The following PCDHA10 variants were observed in gnomAD, a reference collection of about 807,000 sequenced individuals.
The protein encoded by PCDHA10 is protocadherin alpha-10.
In PCDHA10, 45 loss-of-function variants were observed where a neutral mutation model predicts 61.2. The ratio of observed to expected loss-of-function variants is 0.74; its 90% CI spans 0.58 to 0.94. The LOEUF (loss-of-function observed/expected upper bound fraction) is 0.94, where lower values mean the gene tolerates loss of function less well. Ranked by LOEUF, PCDHA10 falls within the 40% of genes least tolerant of loss-of-function variation. The pLI is 0.00. For synonymous variants in PCDHA10, 602 were observed against 548.8 expected, an observed-to-expected ratio of 1.10 and a Z score of -1.35; for missense variants, 1,278 against 1,236.2, an observed-to-expected ratio of 1.03 and a Z score of -0.51.
chr5:140,897,424 T>G (rs2066099863), intron 1 of PCDHA10, among the ~76,000 whole-genome samples: 1 of 148,866 alleles, frequency 6.7e-6, no homozygotes, highest in Non-Finnish European at 1.5e-5. Flanking sequence ...CATCTATGAG[T>G]GAGAACATGC....
intron 1 of PCDHA10, among the ~76,000 whole-genome samples, chr5:140,891,471 C>T (rs1239816606): frequency 6.6e-6 from 1 of 151,474 alleles, no homozygotes; most frequent in Non-Finnish European, 1.5e-5. Flanking sequence ...GAATTAATGC[C>T]TTTACATCAC....
intron 1 of PCDHA10, chr5:140,876,546 T>A (rs782795906): frequency 6.2e-7 from 1 of 1,614,218 alleles, no homozygotes; most frequent in Non-Finnish European, 8.5e-7. Context: ...TGTCGCTCCC[T>A]GTGCAAGAGG....
chr5:140,869,072 G>T, intron 1 of PCDHA10: 4 of 1,574,396 alleles, frequency 2.5e-6, no homozygotes, highest in Non-Finnish European at 2.6e-6. Flanking sequence ...TAAGTGTAAA[G>T]AAGCTTATTT....
intron 1 of PCDHA10, among the ~76,000 whole-genome samples, chr5:140,949,848 C>T (rs534650997): frequency 2.2e-4 from 34 of 151,738 alleles, no homozygotes; most frequent in African/African-American, 6.0e-4. Flanking sequence ...CTTCTGTTTC[C>T]GCTTATCTGT....
At chr5:140,877,332 C>T (rs2057040352) in intron 1 of PCDHA10, 1 of 1,613,990 alleles carries the variant, frequency 6.2e-7, no homozygotes. Context: ...GCGCGCACAT[C>T]CCGTTCCACG....
At chr5:140,973,040 T>G (rs529820612) in intron 1 of PCDHA10, among the ~76,000 whole-genome samples, 23 of 152,264 alleles carry the variant, frequency 1.5e-4, no homozygotes, top group African/African-American at 5.5e-4. Flanking sequence ...CTTTGAGTAC[T>G]CTAGTAGATT....
At chr5:140,961,561 T>C (rs1554225472) in intron 1 of PCDHA10, among the ~76,000 whole-genome samples, 1 of 152,170 alleles carries the variant, frequency 6.6e-6, no homozygotes, top group African/African-American at 2.4e-5. Flanking sequence ...TTTTTTTAAA[T>C]TTTGTTTTGA....
chr5:140,914,944 C>CT (rs35695909), intron 1 of PCDHA10, among the ~76,000 whole-genome samples: 3,966 of 128,238 alleles, frequency 0.031, 97 homozygotes, highest in Middle Eastern at 0.041. Context: ...GAAAAGTTGT[C>CT]TTTTTTTTTT....
chr5:140,870,632 A>G, intron 1 of PCDHA10: 1 of 1,612,930 alleles, frequency 6.2e-7, no homozygotes, highest in Non-Finnish European at 8.5e-7. Flanking sequence ...GTGTCGGTGC[A>G]CGCGGAGAGC....
rs142570778 is a variant in PCDHA10 at position 141,009,810 on chromosome 5, A to G, written c.2720A>G (p.Asp907Gly). ...CAGGAGCCTACTAACAGCCAAATTG[A>G]CAAAAGTGACTTCATAACCTTCGGC... ...IRQEPTNSQI[D>G]KSDFITFGKK... The change falls in exon 4 of 4, where the codon GAC (aspartate) becomes GGC (glycine). Residue 907 changes from aspartate to glycine, a missense_variant. Asp to Gly is a moderately conservative substitution (Grantham distance 94). Transcript: ENST00000307360. 8 of 1,614,016 alleles carry G rather than the reference A, an allele frequency of 5.0e-6. No individual in the cohort carries two copies. Among genetic ancestry groups the G allele is most frequent in the Admixed American group, 3.3e-5 (2 of 60,000 alleles).
chr5:140,928,989 A>C (rs1554206541), intron 1 of PCDHA10: 2 of 1,613,706 alleles, frequency 1.2e-6, no homozygotes, highest in Non-Finnish European at 1.7e-6. Flanking sequence ...TGGGGTGCTT[A>C]CTTTTCTTCG....
chr5:140,869,516 A>G, intron 1 of PCDHA10: 2 of 1,614,226 alleles, frequency 1.2e-6, no homozygotes, highest in Non-Finnish European at 1.7e-6. Flanking sequence ...CTCAGAGAAC[A>G]AAAGCTGCTG....
At chr5:140,862,592 A>T (rs1554156626) in intron 1 of PCDHA10, 1 of 507,612 alleles carries the variant, frequency 2.0e-6, no homozygotes, top group Non-Finnish European at 4.0e-6. Context: ...CAGCCCGAGT[A>T]CATGGTGTTC....
intron 1 of PCDHA10, chr5:140,968,662 C>CT (rs781816838): frequency 1.2e-6 from 2 of 1,614,158 alleles, no homozygotes; most frequent in South Asian, 2.2e-5. Context: ...ACCTGGACCT[C>CT]TTTAAGGTAG....
At chr5:140,872,432 G>T (rs2053660736) in intron 1 of PCDHA10, among the ~76,000 whole-genome samples, 1 of 152,026 alleles carries the variant, frequency 6.6e-6, no homozygotes, top group Non-Finnish European at 1.5e-5. Context: ...TTCGAGGCCT[G>T]CCTGGACAAC....
At chr5:140,903,470 C>T (rs1425928113) in intron 1 of PCDHA10, among the ~76,000 whole-genome samples, 2 of 152,140 alleles carry the variant, frequency 1.3e-5, no homozygotes, top group Non-Finnish European at 2.9e-5. Context: ...AATATTATTC[C>T]TTGCATTATA....
In PCDHA10 at chr5:140,977,177, T is replaced by G. The variant is rs139020033; in HGVS notation, c.2389-1772T>G. On this transcript the variant is annotated intron_variant, in intron 1 of 3. Coordinates refer to ENST00000307360, the MANE Select transcript of PCDHA10 (RefSeq NM_018901.4). ...CCTTTCAGCAAAATGAGTTTGATGA[T>G]TTCATTCCAAAGATCAAGTTGCAGC... 6.8e-3 allele frequency among the ~76,000 whole-genome samples: 1,032 copies of G among 152,274 alleles called. 9 individuals are homozygous for G. Among genetic ancestry groups the G allele is most frequent in the African/African-American group, 0.023 (966 of 41,542 alleles).
intron 1 of PCDHA10, among the ~76,000 whole-genome samples, chr5:140,910,781 A>G (rs1402088509): frequency 3.9e-5 from 6 of 152,220 alleles, no homozygotes; most frequent in Non-Finnish European, 8.8e-5. Flanking sequence ...AAGCTGCAAC[A>G]TTAAATGCAG....
intron 1 of PCDHA10, chr5:140,967,436 C>T (rs781894469): frequency 6.2e-7 from 1 of 1,613,496 alleles, no homozygotes; most frequent in Non-Finnish European, 8.5e-7. Context: ...AGCCTTGCAC[C>T]ACCTGGTTCT....
Sources: allele counts gnomAD v4.1 joint callset (sites outside exome capture counted in the v4.1 genomes callset), GRCh38; gene constraint gnomAD v4.1.1; transcripts MANE v1.5; gene names NCBI Gene and HGNC (gene_info 2026-07-23, HGNC 2026-07-21).